Variants in DPP10 observed in about 807,000 individuals in gnomAD.
The protein encoded by DPP10 is dipeptidyl peptidase like 10.
In DPP10, 33 loss-of-function variants were observed where a neutral mutation model predicts 120.9. The ratio of observed to expected loss-of-function variants is 0.27; its 90% CI spans 0.21 to 0.37. The LOEUF is 0.37. Ranked by LOEUF, DPP10 falls within the 10% of genes least tolerant of loss-of-function variation. The probability of loss-of-function intolerance (pLI) is 1.00; values close to 1 mark genes in which losing one functional copy is unlikely to be tolerated. For synonymous variants in DPP10, 337 were observed against 326.1 expected (o/e 1.03, Z -0.36); for missense variants, 816 against 942.8 (o/e 0.87, Z 1.76).
chr2:115,160,741 T>A (rs1054723015), intron 1 of DPP10, among the ~76,000 whole-genome samples: 1 of 152,220 alleles, frequency 6.6e-6, no homozygotes, highest in South Asian at 2.1e-4. Context: ...CTGTGGACTT[T>A]GTCTATCCGC....
intron 1 of DPP10, among the ~76,000 whole-genome samples, chr2:115,097,598 G>C (rs1324962818): frequency 6.6e-6 from 1 of 152,092 alleles, no homozygotes; most frequent in African/African-American, 2.4e-5. Context: ...CGGCATTAAT[G>C]AAATGTTCAG....
chr2:115,766,478 A>G (rs1680779250), intron 12 of DPP10, among the ~76,000 whole-genome samples: 1 of 151,488 alleles, frequency 6.6e-6, no homozygotes, highest in Admixed American at 6.6e-5. Context: ...ATTCATATAC[A>G]TATTTTGCCA....
intron 1 of DPP10, among the ~76,000 whole-genome samples, chr2:114,607,707 A>G (rs1444014514): frequency 6.6e-6 from 1 of 152,080 alleles, no homozygotes; most frequent in Non-Finnish European, 1.5e-5. Context: ...TGAGAGGGAA[A>G]CACCTTTTCT....
intron 1 of DPP10, among the ~76,000 whole-genome samples, chr2:115,073,151 T>C (rs1043571459): frequency 6.6e-6 from 1 of 152,248 alleles, no homozygotes; most frequent in Non-Finnish European, 1.5e-5. Flanking sequence ...TTGTCTTCCA[T>C]GTTAAAGAAC....
chr2:114,826,201 G>T (rs955820425), intron 1 of DPP10, among the ~76,000 whole-genome samples: 1 of 152,140 alleles, frequency 6.6e-6, no homozygotes, highest in Non-Finnish European at 1.5e-5. Flanking sequence ...GAATAAAAAT[G>T]AATTAGGAGA....
chr2:114,576,122 C>G (rs1325690905), intron 1 of DPP10, among the ~76,000 whole-genome samples: 1 of 152,102 alleles, frequency 6.6e-6, no homozygotes, highest in Non-Finnish European at 1.5e-5. Flanking sequence ...GATGGCAGTG[C>G]CAAGATGGTG....
chr2:115,448,159 A>G (rs2072785115), intron 3 of DPP10, among the ~76,000 whole-genome samples: 1 of 152,184 alleles, frequency 6.6e-6, no homozygotes, highest in Admixed American at 6.6e-5. Context: ...TGGAAAATAC[A>G]CAGAATGAGA....
intron 1 of DPP10, among the ~76,000 whole-genome samples, chr2:115,249,846 T>C (rs1402064216): frequency 6.6e-6 from 1 of 152,152 alleles, no homozygotes; most frequent in East Asian, 1.9e-4. Context: ...GGTGAATGGA[T>C]AACTTAATGA....
intron 5 of DPP10, among the ~76,000 whole-genome samples, chr2:115,597,437 A>AC (rs1403893159): frequency 6.6e-6 from 1 of 152,072 alleles, no homozygotes; most frequent in Non-Finnish European, 1.5e-5. Context: ...AAACGTAAGT[A>AC]CCATGTACAT....
intron 1 of DPP10, among the ~76,000 whole-genome samples, chr2:115,006,705 C>G (rs1306949690): frequency 6.6e-6 from 1 of 151,686 alleles, no homozygotes; most frequent in Non-Finnish European, 1.5e-5. Flanking sequence ...CAGGAGCACC[C>G]AGATTCATAA....
intron 3 of DPP10, among the ~76,000 whole-genome samples, chr2:115,414,862 G>A (rs1281434662): frequency 6.6e-6 from 1 of 151,860 alleles, no homozygotes; most frequent in Non-Finnish European, 1.5e-5. Context: ...TCTCAAGATG[G>A]TATACTATCT....
chr2:115,613,312 A>C (rs2149257601), intron 5 of DPP10, among the ~76,000 whole-genome samples: 1 of 152,310 alleles, frequency 6.6e-6, no homozygotes, highest in Admixed American at 6.5e-5. Context: ...TCTCTACTGA[A>C]TGCCCAGGAT....
chr2:115,391,006 G>A (rs2067281125), intron 3 of DPP10, among the ~76,000 whole-genome samples: 1 of 152,070 alleles, frequency 6.6e-6, no homozygotes, highest in Admixed American at 6.5e-5. Context: ...GGTGTATGGA[G>A]ACTATTAGAT....
At chr2:114,621,540 C>A (rs1694090238) in intron 1 of DPP10, among the ~76,000 whole-genome samples, 1 of 152,182 alleles carries the variant, frequency 6.6e-6, no homozygotes, top group Non-Finnish European at 1.5e-5. Flanking sequence ...ATGACTATTT[C>A]ACCTGCTAAT....
At chr2:114,794,690 ATTG>A (rs1281061280) in intron 1 of DPP10, among the ~76,000 whole-genome samples, 2 of 152,220 alleles carry the variant, frequency 1.3e-5, no homozygotes. Flanking sequence ...GTACTACCTT[ATTG>A]TTCCAGCAAT....
intron 1 of DPP10, among the ~76,000 whole-genome samples, chr2:114,565,876 G>GATTCATTC (rs200449756): frequency 7.9e-5 from 12 of 152,134 alleles, no homozygotes; most frequent in African/African-American, 2.2e-4. Flanking sequence ...TCATAGAATA[G>GATTCATTC]ATTCATTCAT....
At chr2:115,481,363 T>C (rs544597391) in intron 3 of DPP10, among the ~76,000 whole-genome samples, 3 of 152,242 alleles carry the variant, frequency 2.0e-5, no homozygotes, top group African/African-American at 4.8e-5. Context: ...TCTTCAAAGC[T>C]TGAAGCTAAG....
At chr2:115,291,467 G>A (rs373345986) in intron 1 of DPP10, among the ~76,000 whole-genome samples, 1 of 152,016 alleles carries the variant, frequency 6.6e-6, no homozygotes, top group African/African-American at 2.4e-5. Flanking sequence ...CCAATAGCTG[G>A]TAAATTAATG....
chr2:115,402,877 G>GTATA (rs1360983145), intron 3 of DPP10, among the ~76,000 whole-genome samples: 11 of 57,440 alleles, frequency 1.9e-4, no homozygotes, highest in Admixed American at 1.4e-3. Flanking sequence ...ATATATATAT[G>GTATA]TGTGTGTGTG....
Sources: allele counts gnomAD v4.1 joint callset (sites outside exome capture counted in the v4.1 genomes callset), GRCh38; gene constraint gnomAD v4.1.1; transcripts MANE v1.5; gene names NCBI Gene and HGNC (gene_info 2026-07-23, HGNC 2026-07-21).